Variants in TRAF7 observed in about 807,000 individuals in gnomAD.
TRAF7 encodes E3 ubiquitin-protein ligase TRAF7.
In TRAF7, 45 loss-of-function variants were observed where a neutral mutation model predicts 89.3. That is an observed-to-expected ratio of 0.50 (90% CI 0.40 to 0.65). TRAF7 has a LOEUF of 0.65. Ranked by LOEUF, TRAF7 falls within the 30% of genes least tolerant of loss-of-function variation. The pLI is 0.00. For missense variants in TRAF7, 677 were observed against 918.1 expected (o/e 0.74, Z 3.39); for synonymous variants, 406 against 369.2 (o/e 1.10, Z -1.14).
chr16:2,175,083 C>T (rs376416832), intron 14 of TRAF7, 28 bp from the exon 15 acceptor site: 14 of 1,613,678 alleles, frequency 8.7e-6, no homozygotes, highest in African/African-American at 1.3e-5. Context: ...GCTTCTCCCA[C>T]CTTGACACAT....
rs1349277508 is a variant in TRAF7 at position 2,175,639 on chromosome 16, C to T, written c.1626+17C>T. 6.2e-7 allele frequency: 1 copy of T among 1,608,690 alleles called. No homozygotes were observed. Among genetic ancestry groups the T allele is most frequent in the African/African-American group, 1.3e-5 (1 of 74,866 alleles). ...ACAATCAAGGTGCGCTTGGGCACAC[C>T]TGGTGGCCACAGGGCCTTGCCTCCT... is the stretch of plus-strand genomic sequence containing the variant. On this transcript the variant is annotated intron_variant, in intron 17 of 20. Coordinates refer to ENST00000326181, the MANE Select transcript of TRAF7 (RefSeq NM_032271.3).
At position 2,176,197 on chromosome 16, in the gene TRAF7, C is replaced by T. The variant is rs181606917; in HGVS notation, c.1878+17C>T. The T allele has an allele frequency of 4.4e-4, 704 of 1,602,332 alleles. 4 individuals carry two copies. In the Middle Eastern group the frequency reaches 5.9e-3, roughly 14 times the overall value. On this transcript the variant is annotated intron_variant, in intron 19 of 20. Transcript: ENST00000326181. ...TCCCTCAGGGTGCGTGCTGGCCCAGCGGTGGCAGGAGGCTCAGAGGGCTGG... is the reference window on the plus strand; with the variant it reads ...TCCCTCAGGGTGCGTGCTGGCCCAGTGGTGGCAGGAGGCTCAGAGGGCTGG...
chr16:2,160,275 C>T (rs1346428888), intron 1 of TRAF7, among the ~76,000 whole-genome samples: 1 of 152,016 alleles, frequency 6.6e-6, no homozygotes, highest in Non-Finnish European at 1.5e-5. Context: ...CCTGCCCTTC[C>T]CCTCTGCACG....
rs1396002177 is a variant in TRAF7, at chr16:2,177,550, C to G, written c.*976C>G. ...GGAAAAGGGAGGGCGAGAATGACCA[C>G]ACAACACAGCCTTGGACCATGAGCA... On this transcript the variant is annotated 3_prime_UTR_variant, in exon 21 of 21. Transcript: ENST00000326181. 4 of 234,542 alleles carry G rather than the reference C, an allele frequency of 1.7e-5. No individual in the cohort carries two copies. The East Asian group carries it at 1.8e-4, about 11-fold the overall frequency. 14.5% of individuals were successfully genotyped at this position (234,542 alleles called of 1,614,324 possible).
intron 14 of TRAF7, among the ~76,000 whole-genome samples, chr16:2,174,568 G>A (rs1345707885): frequency 3.3e-5 from 5 of 152,136 alleles, no homozygotes; most frequent in East Asian, 3.9e-4. Context: ...CAGCCTCCCA[G>A]CAGAACCTTG....
Position 2,165,810 on chromosome 16 carries a change from T to C in TRAF7, c.82-69T>C, listed in dbSNP as rs758826208. The C allele has an allele frequency of 4.4e-6, 7 of 1,582,614 alleles. No homozygotes were observed. The Admixed American group carries it at 8.4e-5, about 19-fold the overall frequency. ...CCTGGTCGCGTGTTAGGCATGTGAG[T>C]GGGCTCCACATGTGCACGTCCTCCT... On this transcript the variant is annotated intron_variant, in intron 2 of 20. Coordinates refer to ENST00000326181, the MANE Select transcript of TRAF7 (RefSeq NM_032271.3).
At position 2,178,031 on chromosome 16, in the gene TRAF7, C is replaced by A. The variant is rs774292421; in HGVS notation, c.*1457C>A. On this transcript the variant is annotated 3_prime_UTR_variant, in exon 21 of 21. Transcript: ENST00000326181. ...GTTTTCTATAGAATCAATAATATTT[C>A]TTTCTTTAAATATATATTTGTTAAA... 1.1e-5 allele frequency: 5 copies of A among 444,618 alleles called. No homozygotes were observed. The highest frequency in any genetic ancestry group is 6.5e-5 in the Admixed American group (2 of 30,990). 27.5% of individuals were successfully genotyped at this position (444,618 alleles called of 1,614,324 possible).
At position 2,158,368 on chromosome 16, in the gene TRAF7, G is replaced by C. The variant is rs908292846; in HGVS notation, c.-39+2510G>C. ...GGTGGGGCAGGTGAAAGGGGAAAGC[G>C]GGCACTGGAGGCTGGGGCTGGTCAC... is the stretch of plus-strand genomic sequence containing the variant. On this transcript the variant is annotated intron_variant, in intron 1 of 20. Coordinates refer to ENST00000326181, the MANE Select transcript of TRAF7 (RefSeq NM_032271.3). This position sits in a 1 kb window ranked among gnomAD's most constrained non-coding sequence, Gnocchi z 4.7. Among the ~76,000 whole-genome samples, 1 of 152,214 alleles carries C rather than the reference G, an allele frequency of 6.6e-6. No individual in the cohort carries two copies. Among genetic ancestry groups the C allele is most frequent in the Non-Finnish European group, 1.5e-5 (1 of 68,030 alleles).
intron 9 of TRAF7, among the ~76,000 whole-genome samples, chr16:2,172,861 G>GA (rs2141288383): frequency 6.6e-6 from 1 of 152,150 alleles, no homozygotes; most frequent in East Asian, 1.9e-4. Flanking sequence ...TTTGGAGAGG[G>GA]AGGTGGGGGT....
chr16:2,159,778 G>T lies in TRAF7; in HGVS notation c.-39+3920G>T, dbSNP rs1409617537. ...GCTTGCGCCCCACACATGTTCAGGG[G>T]ACCCCCACACCCCACCTGCTCCGGG... On this transcript the variant is annotated intron_variant, in intron 1 of 20. Coordinates refer to ENST00000326181, the MANE Select transcript of TRAF7 (RefSeq NM_032271.3). The surrounding 1 kb of genome is among the most constrained non-coding windows in gnomAD (Gnocchi z 6.5). Among the ~76,000 whole-genome samples, 3 of 152,232 alleles carry T rather than the reference G, an allele frequency of 2.0e-5. No individual in the cohort carries two copies. Among genetic ancestry groups the T allele is most frequent in the Non-Finnish European group, 2.9e-5 (2 of 68,020 alleles).
intron 2 of TRAF7, among the ~76,000 whole-genome samples, chr16:2,165,200 G>A (rs2093079013): frequency 7.0e-6 from 1 of 142,834 alleles, no homozygotes; most frequent in African/African-American, 2.7e-5. Flanking sequence ...TGTGAGTGCT[G>A]CATGGCCTGG....
rs552777842 is a variant in TRAF7, at chr16:2,161,326, G to A, written c.-38-2557G>A. The stretch of plus-strand genomic sequence containing the variant: ...CCACAGATCCTGTGGTGTTGTCCCC[G>A]TGGCCCGGCTGCTGTTGGCCAGCTG... On this transcript the variant is annotated intron_variant, in intron 1 of 20. Transcript: ENST00000326181. The surrounding 1 kb of genome is among the most constrained non-coding windows in gnomAD (Gnocchi z 5.2). 2.0e-5 allele frequency among the ~76,000 whole-genome samples: 3 copies of A among 151,508 alleles called. No homozygotes were observed. The highest frequency in any genetic ancestry group is 4.2e-4 in the South Asian group (2 of 4,808).
chr16:2,176,688 C>A lies in TRAF7; in HGVS notation c.*114C>A. ...TGCCTGCCCCGTGGGCATAGGTGGA[C>A]AGGCTCTGGCAGCCGGGCAGTGCCC... On this transcript the variant is annotated 3_prime_UTR_variant, in exon 21 of 21. Coordinates refer to ENST00000326181, the MANE Select transcript of TRAF7 (RefSeq NM_032271.3). The A allele has an allele frequency of 6.7e-7, 1 of 1,502,718 alleles. No homozygotes were observed. Among genetic ancestry groups the A allele is most frequent in the Non-Finnish European group, 9.2e-7 (1 of 1,091,676 alleles). The allele number at this position is 1,502,718 out of a possible 1,614,324, so 93.1% of individuals were successfully genotyped here.
intron 3 of TRAF7, among the ~76,000 whole-genome samples, chr16:2,166,924 TCTC>T (rs1300309805): frequency 6.6e-6 from 1 of 152,174 alleles, no homozygotes; most frequent in Admixed American, 6.5e-5. Flanking sequence ...CTTTGTTCTC[TCTC>T]CTTTCTGGCA....
Position 2,176,066 on chromosome 16 carries a change from C to T in TRAF7, c.1764C>T (p.Ser588=), listed in dbSNP as rs1027725870. The stretch of plus-strand genomic sequence containing the variant: ...CCTCCCAGGTGTGGGACATTGAGTC[C>T]AAGGAGCAGGTGCGGACCCTCACGG... ...ENLIHVWDIE[S]KEQVRTLTGH... The change falls in exon 19 of 21, where the codon TCC becomes TCT. Residue 588 remains serine, a synonymous_variant. Transcript: ENST00000326181. The T allele has an allele frequency of 6.2e-7, 1 of 1,609,140 alleles. No homozygotes were observed. The highest frequency in any genetic ancestry group is 1.3e-5 in the African/African-American group (1 of 75,010).
rs1303783514 is a variant in TRAF7 at position 2,170,699 on chromosome 16, C to T, written c.317C>T (p.Thr106Ile). ...HSESSMSLRSTFSLPEEEEEP... is the reference protein window; with the variant it reads ...HSESSMSLRSIFSLPEEEEEP... The stretch of plus-strand genomic sequence containing the variant: ...GAGTCCAGCATGTCTCTGCGCTCCA[C>T]ATTCTCACTGCCCGAGGAGGAGGAG... Residue 106 changes from threonine (T) to isoleucine (I), a missense_variant, in exon 5 of 21, where the codon ACA (threonine) becomes ATA (isoleucine). Physicochemically the swap from Thr to Ile is moderately conservative, Grantham distance 89. Coordinates refer to ENST00000326181, the MANE Select transcript of TRAF7 (RefSeq NM_032271.3). 6.2e-7 allele frequency: 1 copy of T among 1,607,022 alleles called. No individual in the cohort carries two copies. Among genetic ancestry groups the T allele is most frequent in the Non-Finnish European group, 8.5e-7 (1 of 1,177,192 alleles).
chr16:2,160,532 TC>T (rs2093053959), intron 1 of TRAF7, among the ~76,000 whole-genome samples: 1 of 39,834 alleles, frequency 2.5e-5, no homozygotes, highest in African/African-American at 1.2e-4. Flanking sequence ...CGGGAGGTGC[TC>T]GGGCAGGCGG....
At position 2,175,284 on chromosome 16, in the gene TRAF7, G is replaced by A. The variant is rs1380061609; in HGVS notation, c.1387-17G>A. ...CAGGGCTTGGTGCCCTGAGGCTGCC[G>A]GTCCTTCCCCAATCAGGTGTGGGAC... On this transcript the variant is annotated splice_polypyrimidine_tract_variant and intron_variant, in intron 15 of 20. Transcript: ENST00000326181. 6 of 1,612,802 alleles carry A rather than the reference G, an allele frequency of 3.7e-6. No individual in the cohort carries two copies. Among genetic ancestry groups the A allele is most frequent in the South Asian group, 2.2e-5 (2 of 91,080 alleles).
rs1167809965 is a variant in TRAF7 at position 2,176,710 on chromosome 16, G to A, written c.*136G>A. 3.0e-6 allele frequency: 4 copies of A among 1,315,108 alleles called. No homozygotes were observed. The East Asian group carries it at 7.3e-5, about 24-fold the overall frequency. 81.5% of individuals were successfully genotyped at this position (1,315,108 alleles called of 1,614,324 possible). ...GGACAGGCTCTGGCAGCCGGGCAGT[G>A]CCCTCCCCGTCCCATGCTCGGCGAG... On this transcript the variant is annotated 3_prime_UTR_variant, in exon 21 of 21. Transcript: ENST00000326181.
Sources: gnomAD v4.1 joint callset for allele counts (sites outside exome capture counted in the v4.1 genomes callset) on GRCh38, gnomAD v4.1.1 for gene constraint, Gnocchi (gnomAD v3.1) non-coding constraint, MANE v1.5 for transcripts, NCBI Gene and HGNC (gene_info 2026-07-23, HGNC 2026-07-21) for gene names.